Variants in PEPD observed in about 807,000 individuals in gnomAD.
PEPD encodes the protein xaa-Pro dipeptidase.
In PEPD, 53 loss-of-function variants were observed where a neutral mutation model predicts 60.7. The observed-to-expected ratio is 0.87, with a 90% CI of 0.70 to 1.10. PEPD has a LOEUF of 1.10. Among genes scored for constraint, PEPD ranks in the 50% least tolerant of loss-of-function variants. PEPD has a pLI of 0.00. For missense variants in PEPD, 711 were observed against 711.9 expected (o/e 1.00, Z 0.01); for synonymous variants, 267 against 284.1 (o/e 0.94, Z 0.60).
intron 1 of PEPD, 82 bp from the exon 2 acceptor site, chr19:33,512,858 G>C (rs948633066): frequency 6.7e-7 from 1 of 1,502,164 alleles, no homozygotes; most frequent in Non-Finnish European, 9.2e-7. Context: ...CGGGGTGACC[G>C]GAGGCCCGAG....
At chr19:33,504,472 C>A (rs1042267322) in intron 3 of PEPD, among the ~76,000 whole-genome samples, 1 of 152,214 alleles carries the variant, frequency 6.6e-6, no homozygotes, top group Non-Finnish European at 1.5e-5. Context: ...ATGGAAACAA[C>A]CAGACTGGAG....
chr19:33,433,488 CCTAT>C (rs2145399632), intron 9 of PEPD, among the ~76,000 whole-genome samples: 1 of 152,266 alleles, frequency 6.6e-6, no homozygotes, highest in East Asian at 1.9e-4. Context: ...CCCTTTTTTA[CCTAT>C]TTCAGTGGCT....
At chr19:33,480,574 A>C (rs1970295015) in intron 6 of PEPD, among the ~76,000 whole-genome samples, 1 of 152,174 alleles carries the variant, frequency 6.6e-6, no homozygotes, top group African/African-American at 2.4e-5. Context: ...AGGCGGGTGG[A>C]TCACGAGGTC....
chr19:33,468,104 C>T (rs1260461218), intron 7 of PEPD, among the ~76,000 whole-genome samples: 1 of 152,098 alleles, frequency 6.6e-6, no homozygotes, highest in Non-Finnish European at 1.5e-5. Flanking sequence ...GGCTGGCCAC[C>T]CGGTGAGGGA....
At chr19:33,432,102 A>G (rs985969646) in intron 9 of PEPD, among the ~76,000 whole-genome samples, 2 of 151,886 alleles carry the variant, frequency 1.3e-5, no homozygotes, top group Non-Finnish European at 2.9e-5. Flanking sequence ...TCTGGGAAGA[A>G]AGTGCAGCCC....
intron 6 of PEPD, among the ~76,000 whole-genome samples, chr19:33,481,760 G>T (rs1403479207): frequency 6.6e-6 from 1 of 152,130 alleles, no homozygotes; most frequent in Admixed American, 6.5e-5. Flanking sequence ...CAGGTGCAGT[G>T]GCTCATGCCT....
At chr19:33,406,552 TG>T (rs1353851553) in intron 11 of PEPD, among the ~76,000 whole-genome samples, 8 of 151,966 alleles carry the variant, frequency 5.3e-5, no homozygotes, top group Admixed American at 4.6e-4. Flanking sequence ...AGCAAGGTGG[TG>T]GGGGAGAGCT....
chr19:33,416,156 C>T (rs530631393), intron 9 of PEPD, among the ~76,000 whole-genome samples: 17 of 152,312 alleles, frequency 1.1e-4, no homozygotes, highest in Admixed American at 2.6e-4. Flanking sequence ...TTGATGCGGA[C>T]GCAACGTGTG....
rs113719304 is a variant in PEPD, at chr19:33,417,177, C to T, written c.672-3534G>A. 5.7e-3 allele frequency among the ~76,000 whole-genome samples: 866 copies of T among 152,350 alleles called. 10 individuals are homozygous for T. The highest frequency in any genetic ancestry group is 0.02 in the African/African-American group (824 of 41,584). On this transcript the variant is annotated intron_variant, in intron 9 of 14. Coordinates refer to ENST00000244137, the MANE Select transcript of PEPD (RefSeq NM_000285.4). Reference sequence around the variant, plus strand: ...TGTGCCTCGAGCATGGGTGGGGTAGCGCCGAAGAGGTTAGTGAGGCAGTGT... The same window carrying T: ...TGTGCCTCGAGCATGGGTGGGGTAGTGCCGAAGAGGTTAGTGAGGCAGTGT...
intron 9 of PEPD, among the ~76,000 whole-genome samples, chr19:33,431,414 T>C (rs1054312054): frequency 2.1e-4 from 32 of 152,206 alleles, no homozygotes; most frequent in Admixed American, 1.6e-3. Context: ...CCAAAACTCA[T>C]GTGGGAAATT....
rs118036619 is a variant in PEPD, at chr19:33,433,459, C to T, written c.672-19816G>A. Among the ~76,000 whole-genome samples the T allele has an allele frequency of 3.7e-4, 56 of 152,312 alleles. No homozygotes were observed. In the East Asian group the frequency reaches 0.01, roughly 28 times the overall value. Reference sequence around the variant, plus strand: ...TTTATAAGGCAATTTTAATAATAACCATATATTAATTTTACATCCCCTTTT... The same window carrying T: ...TTTATAAGGCAATTTTAATAATAACTATATATTAATTTTACATCCCCTTTT... On this transcript the variant is annotated intron_variant, in intron 9 of 14. Transcript: ENST00000244137.
chr19:33,410,451 T>C (rs1181088488), intron 11 of PEPD, among the ~76,000 whole-genome samples: 1 of 151,944 alleles, frequency 6.6e-6, no homozygotes, highest in Non-Finnish European at 1.5e-5. Flanking sequence ...TGTCCATAGG[T>C]CTGGGCATGT....
intron 7 of PEPD, among the ~76,000 whole-genome samples, chr19:33,466,320 T>C (rs548733413): frequency 1.6e-4 from 25 of 152,364 alleles, no homozygotes; most frequent in Admixed American, 3.3e-4. Context: ...TAACACCAGG[T>C]AGATTACTCT....
chr19:33,428,856 C>A, intron 9 of PEPD, among the ~76,000 whole-genome samples: 1 of 152,238 alleles, frequency 6.6e-6, no homozygotes, highest in East Asian at 1.9e-4. Context: ...GAACAGCAGG[C>A]CTGAACATGC....
chr19:33,393,263 A>G (rs1167072576), intron 12 of PEPD, among the ~76,000 whole-genome samples: 2 of 111,694 alleles, frequency 1.8e-5, no homozygotes, highest in African/African-American at 3.4e-5. Flanking sequence ...GGCGTGGGGG[A>G]GGGCCCGGGG....
rs67751032 is a variant in PEPD at position 33,480,813 on chromosome 19, C to CGTGTGT, written c.504-2729_504-2724dup. ...CGTTTCAAAAAATATATATATATAG[C>CGTGTGT]GTGTGTGTGTGTGTGTGTGTGTGTG... On this transcript the variant is annotated intron_variant, in intron 6 of 14. Coordinates refer to ENST00000244137, the MANE Select transcript of PEPD (RefSeq NM_000285.4). Among the ~76,000 whole-genome samples, 214 of 127,830 alleles carry CGTGTGT rather than the reference C, an allele frequency of 1.7e-3. 1 individual carries two copies. In the East Asian group the frequency reaches 0.028, roughly 17 times the overall value. 83.9% of individuals were successfully genotyped at this position (127,830 alleles called of 152,430 possible).
At chr19:33,496,688 G>A (rs1355969802) in intron 4 of PEPD, among the ~76,000 whole-genome samples, 2 of 152,206 alleles carry the variant, frequency 1.3e-5, no homozygotes, top group African/African-American at 2.4e-5. Flanking sequence ...CACACCCTGC[G>A]CTGTTAAATG....
Position 33,401,932 on chromosome 19 carries a change from G to A in PEPD, c.819-63C>T, listed in dbSNP as rs143874546. The A allele has an allele frequency of 2.1e-4, 320 of 1,520,382 alleles. 7 individuals are homozygous for A. The East Asian group carries it at 5.9e-3, about 28-fold the overall frequency. 94.2% of individuals were successfully genotyped at this position (1,520,382 alleles called of 1,614,324 possible). ...GTGCCACCGCCCCCTTACCCTTACC[G>A]CTCCCCACCTGCCCTGGACTCGAGG... On this transcript the variant is annotated intron_variant, in intron 11 of 14. Coordinates refer to ENST00000244137, the MANE Select transcript of PEPD (RefSeq NM_000285.4).
At chr19:33,411,411 T>A (rs973860954) in intron 11 of PEPD, among the ~76,000 whole-genome samples, 6 of 152,186 alleles carry the variant, frequency 3.9e-5, no homozygotes, top group African/African-American at 1.4e-4. Context: ...CACAATCCCA[T>A]GGCCCACAGG....
Sources: gnomAD v4.1 joint callset for allele counts (sites outside exome capture counted in the v4.1 genomes callset) on GRCh38, gnomAD v4.1.1 for gene constraint, MANE v1.5 for transcripts, NCBI Gene and HGNC (gene_info 2026-07-23, HGNC 2026-07-21) for gene names.